Variants in GTF2IRD2B observed in about 807,000 individuals in gnomAD.
The protein encoded by GTF2IRD2B is GTF2I repeat domain containing 2B, also known as general transcription factor II-I repeat domain-containing protein 2B.
GTF2IRD2B carries 10 observed loss-of-function variants against 55.6 expected under a neutral mutation model. The ratio of observed to expected loss-of-function variants is 0.18; its 90% CI spans 0.11 to 0.31. The LOEUF is 0.31. Among genes scored for constraint, GTF2IRD2B ranks in the 10% least tolerant of loss-of-function variants. The pLI is 1.00. For synonymous variants in GTF2IRD2B, 107 were observed against 320.5 expected (o/e 0.33, Z 7.12); for missense variants, 206 against 802.7 (o/e 0.26, Z 8.98).
intron 1 of GTF2IRD2B, among the ~76,000 whole-genome samples, chr7:75,102,387 A>G (rs1350586238): frequency 6.6e-6 from 1 of 151,530 alleles, no homozygotes; most frequent in African/African-American, 2.4e-5. Flanking sequence ...ATCTATTCTC[A>G]GTTCCTATAG....
intron 1 of GTF2IRD2B, among the ~76,000 whole-genome samples, chr7:75,104,025 G>A (rs1455413357): frequency 4.6e-5 from 7 of 151,104 alleles, no homozygotes; most frequent in African/African-American, 1.5e-4. Context: ...ATGCACTCCA[G>A]TCTGGGCGAC....
At chr7:75,139,596 T>C (rs1409678620) in intron 12 of GTF2IRD2B, among the ~76,000 whole-genome samples, 2 of 122,618 alleles carry the variant, frequency 1.6e-5, no homozygotes, top group Non-Finnish European at 3.4e-5. Context: ...ATCACACCAC[T>C]GCACTCCAGC....
chr7:75,127,309 T>C (rs2115795764), intron 8 of GTF2IRD2B, among the ~76,000 whole-genome samples: 1 of 150,856 alleles, frequency 6.6e-6, no homozygotes, highest in South Asian at 2.1e-4. Flanking sequence ...CGAGACTTCA[T>C]CTCTGCAAAA....
At chr7:75,105,852 G>C (rs1443465510) in intron 1 of GTF2IRD2B, among the ~76,000 whole-genome samples, 2 of 152,308 alleles carry the variant, frequency 1.3e-5, no homozygotes, top group Non-Finnish European at 2.9e-5. Flanking sequence ...TTATGCGTTG[G>C]CTGTGAGTCT....
chr7:75,116,934 T>C (rs145332472), intron 3 of GTF2IRD2B, among the ~76,000 whole-genome samples: 93 of 146,232 alleles, frequency 6.4e-4, no homozygotes, highest in African/African-American at 1.6e-3. Context: ...GGTGAGCCAC[T>C]GCACCTGGCC....
rs377073703 is a variant in GTF2IRD2B, at chr7:75,120,907, G to A, written c.255G>A (p.Leu85=). ...CATTTGCAGGCGTTGCAGAGGGACT[G>A]TGTGAGGTGAAACCTCCCTGCCCTG... ...DFAKYCVAEG[L]CEVKPPCPVN... is the part of the protein sequence containing the mutation. The change falls in exon 4 of 16, where the codon CTG becomes CTA. Residue 85 remains leucine, a synonymous_variant. Transcript: ENST00000472837. 2.2e-4 allele frequency: 360 copies of A among 1,613,400 alleles called. No individual in the cohort carries two copies. Among genetic ancestry groups the A allele is most frequent in the Non-Finnish European group, 2.9e-4 (343 of 1,179,512 alleles).
At chr7:75,109,363 G>C (rs1208194009) in intron 2 of GTF2IRD2B, among the ~76,000 whole-genome samples, 1 of 146,906 alleles carries the variant, frequency 6.8e-6, no homozygotes, top group Non-Finnish European at 1.5e-5. Flanking sequence ...TTTTGAGACA[G>C]AGTCTTGCTC....
intron 3 of GTF2IRD2B, among the ~76,000 whole-genome samples, chr7:75,115,939 A>T: frequency 3.4e-5 from 4 of 117,020 alleles, no homozygotes; most frequent in African/African-American, 6.6e-5. Flanking sequence ...TTTTTTTGAG[A>T]GACAGAGTCT....
chr7:75,122,987 T>G, intron 4 of GTF2IRD2B, 149 bp from the exon 5 acceptor site: 1 of 1,108,326 alleles, frequency 9.0e-7, no homozygotes, highest in Admixed American at 2.7e-5. Context: ...GAGGTGGAGG[T>G]TGCAGCGAGC....
At chr7:75,098,984 C>A (rs1807455175) in intron 1 of GTF2IRD2B, among the ~76,000 whole-genome samples, 1 of 4,384 alleles carries the variant, frequency 2.3e-4, no homozygotes, top group East Asian at 8.6e-3. Flanking sequence ...TTTTTTATTT[C>A]TATTTTTGTT....
At chr7:75,144,057 GT>G in intron 15 of GTF2IRD2B, 79 bp downstream of exon 15, 2 of 276,302 alleles carry the variant, frequency 7.2e-6, no homozygotes, top group Non-Finnish European at 1.3e-5. Context: ...TCACCACGGG[GT>G]TTTTGCTTCC....
intron 9 of GTF2IRD2B, among the ~76,000 whole-genome samples, chr7:75,134,755 A>AG (rs1224390055): frequency 7.4e-6 from 1 of 134,488 alleles, no homozygotes; most frequent in Non-Finnish European, 1.5e-5. Context: ...TTTGTAGAGA[A>AG]GGGGTCTCAC....
chr7:75,105,174 C>A (rs1416113718), intron 1 of GTF2IRD2B, among the ~76,000 whole-genome samples: 1 of 152,168 alleles, frequency 6.6e-6, no homozygotes, highest in East Asian at 1.9e-4. Flanking sequence ...GGTGACAGAG[C>A]AAGATGCTGT....
chr7:75,112,730 C>T (rs1330375911), intron 3 of GTF2IRD2B, 195 bp downstream of exon 3: 2 of 1,076,480 alleles, frequency 1.9e-6, no homozygotes, highest in Admixed American at 4.3e-5. Flanking sequence ...TTATTTTATA[C>T]TAGGTCCTCA....
At chr7:75,101,766 C>G (rs1359865404) in intron 1 of GTF2IRD2B, among the ~76,000 whole-genome samples, 1 of 141,852 alleles carries the variant, frequency 7.0e-6, no homozygotes, top group African/African-American at 2.6e-5. Flanking sequence ...TGGTGGTGCA[C>G]GCCTGTAATC....
chr7:75,139,506 C>G (rs1437066898), intron 12 of GTF2IRD2B, among the ~76,000 whole-genome samples: 1 of 99,880 alleles, frequency 1.0e-5, no homozygotes, highest in African/African-American at 4.8e-5. Context: ...TGGTGGCGAG[C>G]ACCTGTAGTC....
chr7:75,104,571 A>G (rs1807707186), intron 1 of GTF2IRD2B, among the ~76,000 whole-genome samples: 1 of 152,054 alleles, frequency 6.6e-6, no homozygotes, highest in Non-Finnish European at 1.5e-5. Context: ...GAATACTTCT[A>G]CGCCCTTTTC....
intron 3 of GTF2IRD2B, among the ~76,000 whole-genome samples, chr7:75,115,099 T>G (rs1808097075): frequency 1.9e-5 from 1 of 52,746 alleles, no homozygotes; most frequent in Non-Finnish European, 4.9e-5. Context: ...TGCCCAGCTT[T>G]TTTTTTTTTT....
intron 3 of GTF2IRD2B, among the ~76,000 whole-genome samples, chr7:75,117,754 C>T (rs1808213742): frequency 6.6e-6 from 1 of 152,296 alleles, no homozygotes; most frequent in African/African-American, 2.4e-5. Context: ...TACATTTTTA[C>T]ATTGGCCTTT....
Sources: gnomAD v4.1 joint callset for allele counts (sites outside exome capture counted in the v4.1 genomes callset) on GRCh38, gnomAD v4.1.1 for gene constraint, MANE v1.5 for transcripts, NCBI Gene and HGNC (gene_info 2026-07-23, HGNC 2026-07-21) for gene names.